Variants in RERE observed in about 807,000 individuals in gnomAD.
The protein encoded by RERE is arginine-glutamic acid dipeptide repeats.
A neutral mutation model predicts 146.1 loss-of-function variants in RERE; 40 were observed. The ratio of observed to expected loss-of-function variants is 0.27; its 90% CI spans 0.21 to 0.36. The LOEUF (loss-of-function observed/expected upper bound fraction) is 0.36. Among genes scored for constraint, RERE ranks in the 10% least tolerant of loss-of-function variants. RERE has a pLI of 1.00. For synonymous variants in RERE, 1,003 were observed against 866.0 expected, an observed-to-expected ratio of 1.16 and a Z score of -2.78; for missense variants, 1,933 against 2,138.7, an observed-to-expected ratio of 0.90 and a Z score of 1.90.
chr1:8,430,353 CA>C, intron 11 of RERE, among the ~76,000 whole-genome samples: 1 of 152,324 alleles, frequency 6.6e-6, no homozygotes, highest in East Asian at 1.9e-4. Flanking sequence ...AGGCTGCTCC[CA>C]ATTTCTGCCT....
chr1:8,690,517 A>C (rs1639186608), intron 1 of RERE, among the ~76,000 whole-genome samples: 1 of 152,238 alleles, frequency 6.6e-6, no homozygotes, highest in South Asian at 2.1e-4. Context: ...TTGTATCGAG[A>C]GAGAAAGATA....
chr1:8,574,707 A>G (rs1646268687), intron 4 of RERE, among the ~76,000 whole-genome samples: 1 of 152,218 alleles, frequency 6.6e-6, no homozygotes, highest in African/African-American at 2.4e-5. Context: ...CATTCCCTTC[A>G]TATACGAAGT....
intron 10 of RERE, among the ~76,000 whole-genome samples, chr1:8,477,468 T>C (rs1264077883): frequency 3.3e-5 from 5 of 152,178 alleles, no homozygotes; most frequent in African/African-American, 1.2e-4. Context: ...TAAAATATGT[T>C]TTCACTTACT....
At chr1:8,648,319 C>T (rs1311072227) in intron 2 of RERE, among the ~76,000 whole-genome samples, 1 of 152,152 alleles carries the variant, frequency 6.6e-6, no homozygotes, top group Non-Finnish European at 1.5e-5. Flanking sequence ...GCAGCCTCAA[C>T]CTTCCATGCT....
At chr1:8,750,784 T>C (rs374958574) in intron 1 of RERE, 3 of 801,600 alleles carry the variant, frequency 3.7e-6, no homozygotes, top group Non-Finnish European at 6.7e-6. Flanking sequence ...AAATCTTCAG[T>C]GGAACCTTTG....
At chr1:8,734,840 C>G (rs977379898) in intron 1 of RERE, among the ~76,000 whole-genome samples, 1 of 152,134 alleles carries the variant, frequency 6.6e-6, no homozygotes, top group Non-Finnish European at 1.5e-5. Context: ...AAGGGACTTT[C>G]TCTGTCTGGA....
At chr1:8,491,103 G>C (rs1299634532) in intron 10 of RERE, among the ~76,000 whole-genome samples, 1 of 150,604 alleles carries the variant, frequency 6.6e-6, no homozygotes, top group Non-Finnish European at 1.5e-5. Flanking sequence ...ATAAAGAACT[G>C]ATAGCTCTGG....
At chr1:8,789,081 T>C (rs959009985) in intron 1 of RERE, among the ~76,000 whole-genome samples, 3 of 151,560 alleles carry the variant, frequency 2.0e-5, no homozygotes, top group Non-Finnish European at 4.4e-5. Flanking sequence ...TGTGAACTAT[T>C]ATTTTTTAAA....
At chr1:8,571,000 G>C (rs1646215107) in intron 4 of RERE, among the ~76,000 whole-genome samples, 1 of 152,178 alleles carries the variant, frequency 6.6e-6, no homozygotes, top group African/African-American at 2.4e-5. Flanking sequence ...TCCAAAAACT[G>C]AGCTCAGGAT....
chr1:8,789,301 A>AAAAAAAAAAAAAAAAATACATATATATAT, intron 1 of RERE, among the ~76,000 whole-genome samples: 1 of 24,826 alleles, frequency 4.0e-5, no homozygotes, highest in Non-Finnish European at 6.5e-5. Context: ...AAAAAAAAAA[A>AAAAAAAAAAAAAAAAATACATATATATAT]ATATATATAT....
rs34100059 is a variant in RERE at position 8,489,353 on chromosome 1, TA to T, written c.1104+5709del. Among the ~76,000 whole-genome samples, 352 of 138,432 alleles carry T rather than the reference TA, an allele frequency of 2.5e-3. 3 individuals are homozygous for T. Among genetic ancestry groups the T allele is most frequent in the African/African-American group, 7.3e-3 (274 of 37,576 alleles). 90.8% of individuals were successfully genotyped at this position (138,432 alleles called of 152,430 possible). On this transcript the variant is annotated intron_variant, in intron 10 of 22. Transcript: ENST00000400908. ...CCAGCCTTGGTGACAAAGTGAGACTTAAAAAAAAAAAGAAAAAGGAAAAAAA... is the reference window on the plus strand; with the variant it reads ...CCAGCCTTGGTGACAAAGTGAGACTTAAAAAAAAAAGAAAAAGGAAAAAAA...
chr1:8,813,938 T>G (rs1434356758), intron 1 of RERE, among the ~76,000 whole-genome samples: 2 of 152,186 alleles, frequency 1.3e-5, no homozygotes, highest in Non-Finnish European at 2.9e-5. Context: ...TTTTAAAAGC[T>G]TTTTCGACTG....
chr1:8,484,481 A>C (rs943472640), intron 10 of RERE, among the ~76,000 whole-genome samples: 7 of 150,430 alleles, frequency 4.7e-5, no homozygotes, highest in Non-Finnish European at 1.0e-4. Flanking sequence ...GCTGGAGTGC[A>C]GTAGCGCCAT....
chr1:8,379,198 A>G (rs1642362113), intron 12 of RERE, among the ~76,000 whole-genome samples: 1 of 152,082 alleles, frequency 6.6e-6, no homozygotes. Flanking sequence ...AGCAGAACAC[A>G]AAGGAAGAAC....
At chr1:8,553,441 C>A (rs575430822) in intron 6 of RERE, among the ~76,000 whole-genome samples, 1 of 152,038 alleles carries the variant, frequency 6.6e-6, no homozygotes, top group African/African-American at 2.4e-5. Context: ...TCCACACACA[C>A]GTGACACTGC....
chr1:8,355,360 G>A, intron 22 of RERE, 59 bp downstream of exon 22: 1 of 1,568,102 alleles, frequency 6.4e-7, no homozygotes, highest in East Asian at 2.2e-5. Flanking sequence ...GGGCACACGG[G>A]GAGGTTGGGA....
intron 1 of RERE, among the ~76,000 whole-genome samples, chr1:8,686,205 ACTC>A (rs1457586969): frequency 6.6e-6 from 1 of 151,264 alleles, no homozygotes; most frequent in Non-Finnish European, 1.5e-5. Context: ...ATGGTCTTGA[ACTC>A]CTGGGATCAA....
intron 1 of RERE, among the ~76,000 whole-genome samples, chr1:8,730,511 T>G (rs1640059337): frequency 6.6e-6 from 1 of 152,056 alleles, no homozygotes; most frequent in Admixed American, 6.5e-5. Context: ...CCCAGCTAAT[T>G]TTTGTATTTT....
Position 8,557,450 on chromosome 1 carries a change from T to C in RERE, c.596A>G (p.Gln199Arg), listed in dbSNP as rs1167589220. The change falls in exon 5 of 23, where the codon CAG becomes CGG. Residue 199 changes from glutamine to arginine, a missense_variant. Around this residue, in one of 11 missense-constraint regions of RERE, gnomAD observed 8 missense variants for 33.3 expected, o/e 0.24. Coordinates refer to ENST00000400908, the MANE Select transcript of RERE (RefSeq NM_001042681.2). ...ATTATGTCGATCCTGAACCAAATGC[T>C]GATACACAGAATCTGGAACCTCAGA... is the stretch of plus-strand genomic sequence containing the variant. ...RQSEVPDSVY[Q>R]HLVQDRHNEN... The C allele has an allele frequency of 6.2e-7, 1 of 1,612,200 alleles. No homozygotes were observed. The highest frequency in any genetic ancestry group is 8.5e-7 in the Non-Finnish European group (1 of 1,178,222).
Sources: gnomAD v4.1 joint callset for allele counts (sites outside exome capture counted in the v4.1 genomes callset) on GRCh38, gnomAD v4.1.1 for gene constraint, gnomAD v4.1.1 regional missense constraint, MANE v1.5 for transcripts, NCBI Gene and HGNC (gene_info 2026-07-23, HGNC 2026-07-21) for gene names.